The following CNTN4 variants were observed in gnomAD, a reference collection of about 807,000 sequenced individuals.
CNTN4 encodes the protein contactin 4.
Under a neutral mutation model 122.5 loss-of-function variants are expected in CNTN4, and 77 were observed. The observed-to-expected ratio is 0.63, with a 90% CI of 0.52 to 0.76. CNTN4 has a LOEUF of 0.76. Among genes scored for constraint, CNTN4 ranks in the 30% least tolerant of loss-of-function variants. The pLI, the probability that CNTN4 is intolerant of heterozygous loss-of-function variation, is 0.00. For missense variants in CNTN4, 1,256 were observed against 1,259.1 expected (o/e 1.00, Z 0.04); for synonymous variants, 512 against 447.0 (o/e 1.15, Z -1.83).
At chr3:2,508,383 G>T (rs1048777973) in intron 3 of CNTN4, among the ~76,000 whole-genome samples, 2 of 152,202 alleles carry the variant, frequency 1.3e-5, no homozygotes, top group African/African-American at 4.8e-5. Context: ...TCAAGAAGAA[G>T]CAATGAGCAG....
chr3:2,842,305 G>A (rs1281138727), intron 7 of CNTN4, among the ~76,000 whole-genome samples: 2 of 152,094 alleles, frequency 1.3e-5, no homozygotes, highest in Non-Finnish European at 2.9e-5. Flanking sequence ...GATTCTTTGT[G>A]TTTCCCACTC....
At chr3:2,739,142 G>T (rs1048197873) in intron 5 of CNTN4, among the ~76,000 whole-genome samples, 2 of 152,072 alleles carry the variant, frequency 1.3e-5, no homozygotes, top group African/African-American at 4.8e-5. Context: ...TAAAAAGATT[G>T]TCAATATCAT....
At position 3,039,029 on chromosome 3, in the gene CNTN4, A is replaced by G. The variant is rs1318041738; in HGVS notation, c.2163+26A>G. ...GTAAATGAATCACAGAATAAAAGGA[A>G]CGTACACGCATCGAAGCTATTTTAT... is the stretch of plus-strand genomic sequence containing the variant. On this transcript the variant is annotated intron_variant, in intron 19 of 24. Coordinates refer to ENST00000418658, the MANE Select transcript of CNTN4 (RefSeq NM_175607.3). 2.6e-6 allele frequency: 4 copies of G among 1,559,424 alleles called. No homozygotes were observed. The Admixed American group carries it at 5.0e-5, about 20-fold the overall frequency.
At chr3:3,034,874 C>A (rs2125704262) in intron 17 of CNTN4, 84 bp downstream of exon 17, 2 of 1,335,010 alleles carry the variant, frequency 1.5e-6, no homozygotes, top group South Asian at 1.2e-5. Flanking sequence ...TCTAAGTTCT[C>A]ATTCAGACAC....
At chr3:2,178,823 A>G (rs1212063953) in intron 2 of CNTN4, among the ~76,000 whole-genome samples, 2 of 152,046 alleles carry the variant, frequency 1.3e-5, no homozygotes, top group African/African-American at 4.8e-5. Flanking sequence ...CCAGACTACA[A>G]CACAGATGGT....
chr3:3,052,146 C>A (rs960710980), intron 23 of CNTN4, among the ~76,000 whole-genome samples: 2 of 152,196 alleles, frequency 1.3e-5, no homozygotes, highest in Non-Finnish European at 2.9e-5. Flanking sequence ...TCCTGATGAT[C>A]TTTTAGAAAA....
intron 6 of CNTN4, among the ~76,000 whole-genome samples, chr3:2,764,867 A>G (rs903342330): frequency 6.6e-6 from 1 of 152,172 alleles, no homozygotes; most frequent in Non-Finnish European, 1.5e-5. Context: ...CATTTTACGA[A>G]GGAGAGAACT....
rs561008857 is a variant in CNTN4, at chr3:2,627,781, C to T, written c.55+56223C>T. Among the ~76,000 whole-genome samples the T allele has an allele frequency of 3.3e-5, 5 of 152,294 alleles. No homozygotes were observed. The South Asian group carries it at 1.0e-3, about 32-fold the overall frequency. ...GTGCTGGGATTACAGGCGTGAGCCACCGTGCCTGGCCAACTGTCATTTTTC... is the reference window on the plus strand; with the variant it reads ...GTGCTGGGATTACAGGCGTGAGCCATCGTGCCTGGCCAACTGTCATTTTTC... On this transcript the variant is annotated intron_variant, in intron 4 of 24. Coordinates refer to ENST00000418658, the MANE Select transcript of CNTN4 (RefSeq NM_175607.3).
chr3:3,031,585 A>T (rs1559809813), intron 16 of CNTN4, among the ~76,000 whole-genome samples: 2 of 151,474 alleles, frequency 1.3e-5, no homozygotes, highest in Non-Finnish European at 2.9e-5. Flanking sequence ...AAGAGCTATG[A>T]CCCCCCCGGC....
At chr3:2,486,002 A>C (rs2076150143) in intron 3 of CNTN4, among the ~76,000 whole-genome samples, 1 of 152,022 alleles carries the variant, frequency 6.6e-6, no homozygotes. Context: ...CTTTGCAATA[A>C]ATCTTGCTGC....
At chr3:2,527,575 G>T (rs1304291677) in intron 3 of CNTN4, among the ~76,000 whole-genome samples, 1 of 152,108 alleles carries the variant, frequency 6.6e-6, no homozygotes, top group East Asian at 1.9e-4. Context: ...ATCTTTGCAT[G>T]CGGTGTAAAA....
At chr3:2,358,219 G>C (rs1362268960) in intron 3 of CNTN4, among the ~76,000 whole-genome samples, 1 of 152,070 alleles carries the variant, frequency 6.6e-6, no homozygotes, top group Non-Finnish European at 1.5e-5. Context: ...AACAGTTTGA[G>C]GAATGTTTTG....
At chr3:2,896,830 C>T (rs1001342193) in intron 10 of CNTN4, among the ~76,000 whole-genome samples, 14 of 152,096 alleles carry the variant, frequency 9.2e-5, no homozygotes, top group Admixed American at 2.0e-4. Flanking sequence ...CAGTGAAACT[C>T]CCGCATTCCC....
intron 4 of CNTN4, among the ~76,000 whole-genome samples, chr3:2,672,516 C>G (rs973231051): frequency 2.6e-5 from 4 of 152,194 alleles, no homozygotes; most frequent in South Asian, 2.1e-4. Context: ...GTCTGTCACC[C>G]CTTTCCTTGG....
At chr3:2,143,571 G>A (rs1295504424) in intron 2 of CNTN4, among the ~76,000 whole-genome samples, 1 of 152,184 alleles carries the variant, frequency 6.6e-6, no homozygotes, top group Non-Finnish European at 1.5e-5. Flanking sequence ...GATCATCAAT[G>A]TCTAAATTCT....
chr3:2,123,933 C>A (rs1338931452), intron 2 of CNTN4, among the ~76,000 whole-genome samples: 5 of 152,066 alleles, frequency 3.3e-5, no homozygotes, highest in African/African-American at 1.2e-4. Context: ...TGATTAGGCC[C>A]TGGTGAATTT....
In CNTN4 at chr3:2,560,023, A is replaced by G. The variant is rs115153070; in HGVS notation, c.-88-11393A>G. ...TACATAATGGCACAGGATCTTGAATACACAGTTTATTTACCATTACATGAG... is the reference window on the plus strand; with the variant it reads ...TACATAATGGCACAGGATCTTGAATGCACAGTTTATTTACCATTACATGAG... On this transcript the variant is annotated intron_variant, in intron 3 of 24. Transcript: ENST00000418658. Among the ~76,000 whole-genome samples the G allele has an allele frequency of 7.1e-3, 1,089 of 152,324 alleles. 12 individuals are homozygous for G. The highest frequency in any genetic ancestry group is 0.025 in the African/African-American group (1,029 of 41,576).
chr3:2,911,241 G>A (rs1000245307), intron 12 of CNTN4, among the ~76,000 whole-genome samples: 6 of 152,134 alleles, frequency 3.9e-5, no homozygotes, highest in Non-Finnish European at 8.8e-5. Context: ...CTGTACCACA[G>A]ACACTAGGGG....
chr3:2,923,714 G>GCA (rs1421979059), intron 12 of CNTN4, among the ~76,000 whole-genome samples: 1 of 152,084 alleles, frequency 6.6e-6, no homozygotes, highest in Non-Finnish European at 1.5e-5. Context: ...TCATGCATGT[G>GCA]CACACACACA....
Sources: allele counts gnomAD v4.1 joint callset (sites outside exome capture counted in the v4.1 genomes callset), GRCh38; gene constraint gnomAD v4.1.1; transcripts MANE v1.5; gene names NCBI Gene and HGNC (gene_info 2026-07-23, HGNC 2026-07-21).